Variants in ELOVL5 observed in about 807,000 individuals in gnomAD.
ELOVL5 encodes ELOVL fatty acid elongase 5.
In ELOVL5, 8 loss-of-function variants were observed where a neutral mutation model predicts 38.6. The observed-to-expected ratio is 0.21, with a 90% CI of 0.12 to 0.37. ELOVL5 has a LOEUF of 0.37. Among genes scored for constraint, ELOVL5 ranks in the 10% least tolerant of loss-of-function variants. The pLI is 1.00. For missense variants in ELOVL5, 280 were observed against 367.8 expected (o/e 0.76, Z 1.95); for synonymous variants, 127 against 133.7 (o/e 0.95, Z 0.34).
At chr6:53,346,430 C>A (rs116613156) in intron 1 of ELOVL5, among the ~76,000 whole-genome samples, 2,229 of 152,096 alleles carry the variant, frequency 0.015, 69 homozygotes, top group African/African-American at 0.051. Flanking sequence ...GGGGATAAAA[C>A]CTCACAGAGG....
intron 1 of ELOVL5, among the ~76,000 whole-genome samples, chr6:53,317,825 A>C (rs1768118847): frequency 7.6e-6 from 1 of 132,044 alleles, no homozygotes; most frequent in African/African-American, 3.3e-5. Flanking sequence ...AGATGAGAAC[A>C]AAAAAAAATT....
At chr6:53,347,511 C>CAGGT (rs1216664401) in intron 1 of ELOVL5, among the ~76,000 whole-genome samples, 1 of 152,192 alleles carries the variant, frequency 6.6e-6, no homozygotes, top group Non-Finnish European at 1.5e-5. Flanking sequence ...TGCAGACCAA[C>CAGGT]AGGTTATCTG....
chr6:53,311,835 C>T (rs1191628636), intron 1 of ELOVL5, among the ~76,000 whole-genome samples: 1 of 152,100 alleles, frequency 6.6e-6, no homozygotes, highest in Non-Finnish European at 1.5e-5. Flanking sequence ...GTGACCGATA[C>T]TGTTTATGAT....
intron 1 of ELOVL5, among the ~76,000 whole-genome samples, chr6:53,302,211 C>T (rs949148032): frequency 6.6e-6 from 1 of 152,188 alleles, no homozygotes; most frequent in Admixed American, 6.5e-5. Context: ...TCCATCTGTC[C>T]ACTGTTCAAC....
At chr6:53,288,072 A>AAC (rs1242500803) in intron 3 of ELOVL5, 1 of 777,876 alleles carries the variant, frequency 1.3e-6, no homozygotes, top group Non-Finnish European at 2.1e-6. Context: ...AACCACCTGT[A>AAC]ACACTCTAAC....
intron 1 of ELOVL5, among the ~76,000 whole-genome samples, chr6:53,348,243 C>T (rs1401339094): frequency 6.6e-6 from 1 of 152,162 alleles, no homozygotes; most frequent in Non-Finnish European, 1.5e-5. Flanking sequence ...ACGGAAGGTC[C>T]GCAGGGTTAA....
chr6:53,280,155 G>A (rs922858111), intron 3 of ELOVL5, among the ~76,000 whole-genome samples: 1 of 152,226 alleles, frequency 6.6e-6, no homozygotes, highest in African/African-American at 2.4e-5. Flanking sequence ...GACCCAGTAG[G>A]CTGGAGAAGG....
At chr6:53,340,080 A>T (rs1046896179) in intron 1 of ELOVL5, among the ~76,000 whole-genome samples, 4 of 152,220 alleles carry the variant, frequency 2.6e-5, no homozygotes, top group Non-Finnish European at 5.9e-5. Context: ...AAAAGCTTGA[A>T]GAATAAGGAT....
At chr6:53,295,833 G>GA in intron 1 of ELOVL5, 126 bp from the exon 2 acceptor site, 1 of 565,282 alleles carries the variant, frequency 1.8e-6, no homozygotes, top group Non-Finnish European at 2.9e-6. Context: ...CAGTTCCTTA[G>GA]GTTAAAAGAA....
chr6:53,348,434 C>T (rs1478391325), intron 1 of ELOVL5, among the ~76,000 whole-genome samples: 1 of 152,080 alleles, frequency 6.6e-6, no homozygotes, highest in Non-Finnish European at 1.5e-5. Flanking sequence ...GCCCGCAGGG[C>T]GGGAGGACCC....
chr6:53,337,355 T>C (rs1769118703), intron 1 of ELOVL5: 1 of 151,804 alleles, frequency 6.6e-6, no homozygotes. Flanking sequence ...AGCCAACGAG[T>C]CCTTAGATGG....
intron 1 of ELOVL5, among the ~76,000 whole-genome samples, chr6:53,320,385 G>A (rs1177311996): frequency 6.6e-6 from 1 of 151,798 alleles, no homozygotes; most frequent in Non-Finnish European, 1.5e-5. Flanking sequence ...CGCCCAGGCT[G>A]GAGTGCAGTG....
At chr6:53,269,327 C>T in intron 7 of ELOVL5, 57 bp from the exon 8 acceptor site, 1 of 1,431,956 alleles carries the variant, frequency 7.0e-7, no homozygotes, top group Non-Finnish European at 9.4e-7. Flanking sequence ...TTATAGGGAA[C>T]TTTACTGAGA....
chr6:53,295,973 T>G (rs925179895), intron 1 of ELOVL5, among the ~76,000 whole-genome samples: 4 of 152,114 alleles, frequency 2.6e-5, no homozygotes, highest in African/African-American at 7.2e-5. Context: ...CCATAAAAAC[T>G]CTTTCCGTGA....
chr6:53,342,019 C>A (rs1485676099), intron 1 of ELOVL5, among the ~76,000 whole-genome samples: 1 of 152,080 alleles, frequency 6.6e-6, no homozygotes, highest in African/African-American at 2.4e-5. Flanking sequence ...GGCTGCCAAC[C>A]CAATCTGCTT....
rs2127563871 is a variant in ELOVL5 at position 53,267,616 on chromosome 6, AT to A, written c.*1510del. 6.5e-6 allele frequency: 1 copy of A among 152,804 alleles called. No individual in the cohort carries two copies. The highest frequency in any genetic ancestry group is 2.1e-4 in the South Asian group (1 of 4,832). The allele number at this position is 152,804 out of a possible 1,614,324, so 9.5% of individuals were successfully genotyped here. ...GATAAGGTAAATGTAAACAGATGCC[AT>A]GACTCCTTTTCAAACAGAAAACCCA... On this transcript the variant is annotated 3_prime_UTR_variant, in exon 8 of 8. Transcript: ENST00000304434.
At position 53,289,022 on chromosome 6, in the gene ELOVL5, C is replaced by T. The variant is rs549976636; in HGVS notation, c.246+2754G>A. Reference sequence around the variant, plus strand: ...GAGAAGCAGTGAGCACCACTGCACTCCAGCCTGGGCAACAGAGTGAGACTC... The same window carrying T: ...GAGAAGCAGTGAGCACCACTGCACTTCAGCCTGGGCAACAGAGTGAGACTC... On this transcript the variant is annotated intron_variant, in intron 3 of 7. Transcript: ENST00000304434. Among the ~76,000 whole-genome samples, 72 of 152,278 alleles carry T rather than the reference C, an allele frequency of 4.7e-4. 1 individual carries two copies. The highest frequency in any genetic ancestry group is 6.8e-3 in the Middle Eastern group (2 of 294).
At chr6:53,343,106 A>G (rs1372629905) in intron 1 of ELOVL5, among the ~76,000 whole-genome samples, 2 of 152,224 alleles carry the variant, frequency 1.3e-5, no homozygotes, top group African/African-American at 2.4e-5. Context: ...GAACATCTCC[A>G]GCAGTGATGT....
At chr6:53,305,027 C>A (rs1280083485) in intron 1 of ELOVL5, among the ~76,000 whole-genome samples, 4 of 151,210 alleles carry the variant, frequency 2.6e-5, no homozygotes, top group African/African-American at 7.3e-5. Context: ...CCTCACCTCC[C>A]GGACGGGGCG....
Sources: allele counts gnomAD v4.1 joint callset (sites outside exome capture counted in the v4.1 genomes callset), GRCh38; gene constraint gnomAD v4.1.1; transcripts MANE v1.5; gene names NCBI Gene and HGNC (gene_info 2026-07-23, HGNC 2026-07-21).